The following VWA8 variants were observed in gnomAD, a reference collection of about 807,000 sequenced individuals.
The protein encoded by VWA8 is von Willebrand factor A domain containing 8.
VWA8 carries 221 observed loss-of-function variants against 241.5 expected under a neutral mutation model. That is an observed-to-expected ratio of 0.91 (90% CI 0.82 to 1.02). The LOEUF is 1.02. Among genes scored for constraint, VWA8 ranks in the 50% least tolerant of loss-of-function variants. The pLI, the probability that VWA8 is intolerant of heterozygous loss-of-function variation, is 0.00. For synonymous variants in VWA8, 852 were observed against 827.1 expected, an observed-to-expected ratio of 1.03 and a Z score of -0.52; for missense variants, 2,322 against 2,328.7, an observed-to-expected ratio of 1.00 and a Z score of 0.06.
At chr13:41,954,609 T>C (rs1365931486) in intron 1 of VWA8, among the ~76,000 whole-genome samples, 1 of 152,208 alleles carries the variant, frequency 6.6e-6, no homozygotes, top group African/African-American at 2.4e-5. Context: ...GCTTCTGTAA[T>C]GGAAATACAA....
chr13:41,947,963 AC>A lies in VWA8; in HGVS notation c.241+1972del, dbSNP rs1419272748. Among the ~76,000 whole-genome samples the A allele has an allele frequency of 1.7e-3, 253 of 147,426 alleles. 39 individuals carry two copies. The highest frequency in any genetic ancestry group is 7.3e-3 in the South Asian group (33 of 4,538). On this transcript the variant is annotated intron_variant, in intron 2 of 44. Coordinates refer to ENST00000379310, the MANE Select transcript of VWA8 (RefSeq NM_015058.2). The stretch of plus-strand genomic sequence containing the variant: ...AAAAAAAAAAAAAAAACAAAACAAA[AC>A]ATTTTGGTAATTCCTTGAAATGTTA...
Position 41,868,375 on chromosome 13 carries a change from G to A in VWA8, c.1183C>T (p.Arg395Trp), listed in dbSNP as rs769859050. The A allele has an allele frequency of 9.3e-6, 15 of 1,613,850 alleles. No individual in the cohort carries two copies. Among genetic ancestry groups the A allele is most frequent in the East Asian group, 6.7e-5 (3 of 44,870 alleles). Reference protein sequence around the residue: ...NHVSQASVTIRIADKEVTIKV... With the variant: ...NHVSQASVTIWIADKEVTIKV... ...ATGGTCACCTCTTTATCTGCAATCC[G>A]GATGGTCACAGAAGCTTGGGACACA... The change falls in exon 10 of 45, where the codon CGG becomes TGG. Residue 395 changes from arginine to tryptophan, a missense_variant. Physicochemically the swap from Arg to Trp is moderately radical, Grantham distance 101. Coordinates refer to ENST00000379310, the MANE Select transcript of VWA8 (RefSeq NM_015058.2).
chr13:41,816,104 G>A (rs754442414), intron 16 of VWA8, among the ~76,000 whole-genome samples: 4 of 152,086 alleles, frequency 2.6e-5, no homozygotes, highest in African/African-American at 7.2e-5. Context: ...CAATGATCTC[G>A]GTGTATCCAG....
intron 4 of VWA8, among the ~76,000 whole-genome samples, chr13:41,905,895 C>A (rs1566501520): frequency 6.6e-6 from 1 of 152,066 alleles, no homozygotes; most frequent in African/African-American, 2.4e-5. Context: ...TGCCAGATCT[C>A]ATCATTGTAA....
intron 34 of VWA8, among the ~76,000 whole-genome samples, chr13:41,685,578 T>C (rs1050246152): frequency 6.6e-6 from 1 of 152,088 alleles, no homozygotes; most frequent in Admixed American, 6.6e-5. Flanking sequence ...AAACAAAAAA[T>C]AAATAAAGTC....
chr13:41,868,588 TA>T, intron 9 of VWA8, 111 bp from the exon 10 acceptor site: 1 of 1,327,216 alleles, frequency 7.5e-7, no homozygotes, highest in Non-Finnish European at 1.0e-6. Flanking sequence ...TATTATTATA[TA>T]AAAGTAGAGG....
chr13:41,735,437 A>C (rs570095008), intron 21 of VWA8, among the ~76,000 whole-genome samples: 2 of 152,342 alleles, frequency 1.3e-5, no homozygotes, highest in East Asian at 3.9e-4. Flanking sequence ...GCCAGAAATA[A>C]AAATCACAGG....
intron 12 of VWA8, among the ~76,000 whole-genome samples, chr13:41,838,149 T>C (rs780700841): frequency 3.3e-4 from 50 of 152,174 alleles, no homozygotes; most frequent in Non-Finnish European, 6.9e-4. Context: ...AATTTGAGCC[T>C]TAAAGCAATG....
chr13:41,641,794 T>C (rs2044796723), intron 37 of VWA8, among the ~76,000 whole-genome samples: 1 of 144,638 alleles, frequency 6.9e-6, no homozygotes, highest in Admixed American at 7.2e-5. Flanking sequence ...GCAAAGAAGA[T>C]TTTTATGGGA....
intron 17 of VWA8, among the ~76,000 whole-genome samples, chr13:41,793,306 C>A (rs562375836): frequency 2.0e-5 from 3 of 152,038 alleles, no homozygotes; most frequent in South Asian, 2.1e-4. Flanking sequence ...GAATATCAAA[C>A]CTTGACATTC....
chr13:41,607,504 G>A (rs991161171), intron 39 of VWA8, among the ~76,000 whole-genome samples: 1 of 152,126 alleles, frequency 6.6e-6, no homozygotes, highest in Non-Finnish European at 1.5e-5. Flanking sequence ...CAGAAGCTGG[G>A]CACAATGAAC....
At chr13:41,926,276 T>C in intron 2 of VWA8, 1 of 646,696 alleles carries the variant, frequency 1.5e-6, no homozygotes, top group East Asian at 3.0e-5. Flanking sequence ...CAAGGTATCA[T>C]CAGAAATACT....
At chr13:41,593,667 G>A (rs982058) in intron 40 of VWA8, among the ~76,000 whole-genome samples, 381 of 152,286 alleles carry the variant, frequency 2.5e-3, no homozygotes, top group African/African-American at 8.5e-3. Context: ...ATGCTATTGT[G>A]GATGACCATT....
At chr13:41,680,035 C>T (rs1036205519) in intron 35 of VWA8, among the ~76,000 whole-genome samples, 5 of 151,970 alleles carry the variant, frequency 3.3e-5, no homozygotes, top group African/African-American at 9.7e-5. Flanking sequence ...CCCCCACTCC[C>T]GATTTTCCCA....
intron 9 of VWA8, among the ~76,000 whole-genome samples, chr13:41,881,899 G>A (rs1330980715): frequency 7.0e-6 from 1 of 143,852 alleles, no homozygotes; most frequent in Non-Finnish European, 1.5e-5. Context: ...CTGGCCTGGC[G>A]GGGGCTGACC....
At chr13:41,720,094 T>G (rs1474752352) in intron 25 of VWA8, among the ~76,000 whole-genome samples, 1 of 152,100 alleles carries the variant, frequency 6.6e-6, no homozygotes, top group Non-Finnish European at 1.5e-5. Flanking sequence ...GCTAGTTATG[T>G]AAAGGAGCGT....
rs769989212 is a variant in VWA8, at chr13:41,876,123, A to AC, written c.1080+7263dup. 1.1e-4 allele frequency among the ~76,000 whole-genome samples: 16 copies of AC among 152,236 alleles called. No homozygotes were observed. In the East Asian group the frequency reaches 1.4e-3, roughly 13 times the overall value. On this transcript the variant is annotated intron_variant, in intron 9 of 44. Transcript: ENST00000379310. ...ATCAACATCACAGCTGGTCAAAGCTACAATAGTGTCTCAACTGGATTACTA... is the reference window on the plus strand; with the variant it reads ...ATCAACATCACAGCTGGTCAAAGCTACCAATAGTGTCTCAACTGGATTACTA...
Position 41,718,638 on chromosome 13 carries a change from C to A in VWA8, c.3116+953G>T, listed in dbSNP as rs888846045. 3.3e-5 allele frequency among the ~76,000 whole-genome samples: 5 copies of A among 151,674 alleles called. No individual in the cohort carries two copies. The East Asian group carries it at 9.7e-4, about 29-fold the overall frequency. ...TTATTTCTATTGGCATATATCCTGA[C>A]AAGTTTTTATAATGACTTCAAAGAA... is the stretch of plus-strand genomic sequence containing the variant. On this transcript the variant is annotated intron_variant, in intron 26 of 44. Coordinates refer to ENST00000379310, the MANE Select transcript of VWA8 (RefSeq NM_015058.2).
chr13:41,607,638 G>C (rs1039014735), intron 39 of VWA8, among the ~76,000 whole-genome samples: 5 of 152,092 alleles, frequency 3.3e-5, no homozygotes, highest in African/African-American at 1.2e-4. Flanking sequence ...AGCTGTCTGT[G>C]GGGTGGGGAG....
Sources: allele counts gnomAD v4.1 joint callset (sites outside exome capture counted in the v4.1 genomes callset), GRCh38; gene constraint gnomAD v4.1.1; transcripts MANE v1.5; gene names NCBI Gene and HGNC (gene_info 2026-07-23, HGNC 2026-07-21).